The following KCNQ1 variants were observed in gnomAD, a reference collection of about 807,000 sequenced individuals.
KCNQ1 encodes potassium voltage-gated channel subfamily Q member 1.
In KCNQ1, 49 loss-of-function variants were observed where a neutral mutation model predicts 72.4. The observed-to-expected ratio is 0.68, with a 90% CI of 0.54 to 0.86. The LOEUF (loss-of-function observed/expected upper bound fraction) is 0.86. KCNQ1 is among the 40% of genes least tolerant of loss of function. The pLI is 0.00. For missense variants in KCNQ1, 790 were observed against 945.1 expected (o/e 0.84, Z 2.15); for synonymous variants, 450 against 412.6 (o/e 1.09, Z -1.10).
At chr11:2,574,537 C>T (rs1477156884) in intron 6 of KCNQ1, among the ~76,000 whole-genome samples, 2 of 152,178 alleles carry the variant, frequency 1.3e-5, no homozygotes, top group Non-Finnish European at 2.9e-5. Flanking sequence ...GCCCCGAGTC[C>T]TCCTTCCAGA....
chr11:2,668,153 C>T lies in KCNQ1; in HGVS notation c.1514+6072C>T. ...TCTCTATGGGGCTGAAGGGAGAGTG[C>T]TCCCTCATGCTCCTTGCTGACTGGT... On this transcript the variant is annotated intron_variant, in intron 11 of 15. Coordinates refer to ENST00000155840, the MANE Select transcript of KCNQ1 (RefSeq NM_000218.3). The surrounding 1 kb of genome is among the most constrained non-coding windows in gnomAD (Gnocchi z 4.3). 2.5e-6 allele frequency: 1 copy of T among 398,634 alleles called. No individual in the cohort carries two copies. The highest frequency in any genetic ancestry group is 4.4e-6 in the Non-Finnish European group (1 of 226,074). 24.7% of individuals were successfully genotyped at this position (398,634 alleles called of 1,614,324 possible).
intron 10 of KCNQ1, chr11:2,633,089 C>T: frequency 1.0e-5 from 4 of 398,396 alleles, no homozygotes; most frequent in Non-Finnish European, 1.8e-5. Context: ...TATGTTTTGT[C>T]TTTTTGAAAA....
Position 2,694,766 on chromosome 11 carries a change from T to G in KCNQ1, c.1514+32685T>G, listed in dbSNP as rs1479481560. 1.0e-5 allele frequency: 4 copies of G among 398,404 alleles called. No homozygotes were observed. The South Asian group carries it at 5.1e-4, about 51-fold the overall frequency. 24.7% of individuals were successfully genotyped at this position (398,404 alleles called of 1,614,324 possible). ...AGATGTCTAAGGAACTAGAAAAGCG[T>G]AGCCTGTGCTTTGCAGAGACTCGAA... On this transcript the variant is annotated intron_variant, in intron 11 of 15. Transcript: ENST00000155840.
At chr11:2,780,508 C>A (rs974746812) in intron 15 of KCNQ1, among the ~76,000 whole-genome samples, 5 of 152,216 alleles carry the variant, frequency 3.3e-5, no homozygotes, top group Non-Finnish European at 7.4e-5. Flanking sequence ...CACCCTCCCC[C>A]ACCTCATCCC....
rs1040346639 is a variant in KCNQ1 at position 2,695,522 on chromosome 11, C to T, written c.1514+33441C>T. On this transcript the variant is annotated intron_variant, in intron 11 of 15. Transcript: ENST00000155840. The surrounding 1 kb of genome is among the most constrained non-coding windows in gnomAD (Gnocchi z 5.2). ...GTCCCCTGCTCCTAACCACAGTGAC[C>T]AGCTCCAACTGCCCACCCCTATGGG... The T allele has an allele frequency of 2.3e-5, 9 of 398,540 alleles. No individual in the cohort carries two copies. Among genetic ancestry groups the T allele is most frequent in the Non-Finnish European group, 4.0e-5 (9 of 226,128 alleles). 24.7% of individuals were successfully genotyped at this position (398,540 alleles called of 1,614,324 possible). A position where few individuals can be genotyped will look rare whatever the true frequency, so the allele number is the denominator to read the frequency against.
At chr11:2,722,536 T>C (rs1240999488) in intron 11 of KCNQ1, among the ~76,000 whole-genome samples, 1 of 152,068 alleles carries the variant, frequency 6.6e-6, no homozygotes, top group Non-Finnish European at 1.5e-5. Flanking sequence ...GAGGCCAGCA[T>C]GTCAGCCACG....
chr11:2,510,593 C>T (rs1847183437), intron 1 of KCNQ1, among the ~76,000 whole-genome samples: 1 of 152,194 alleles, frequency 6.6e-6, no homozygotes, highest in Non-Finnish European at 1.5e-5. Flanking sequence ...GTGTCAGAAC[C>T]AGGCCCTTTC....
intron 11 of KCNQ1, chr11:2,684,002 C>T (rs1388677241): frequency 2.8e-5 from 11 of 398,218 alleles, no homozygotes; most frequent in South Asian, 1.3e-4. Context: ...TTGGCAACTC[C>T]GTCTCTCCTT....
chr11:2,715,356 G>A lies in KCNQ1; in HGVS notation c.1514+53275G>A, dbSNP rs1282062453. Among the ~76,000 whole-genome samples, 1 of 152,122 alleles carries A rather than the reference G, an allele frequency of 6.6e-6. No homozygotes were observed. Among genetic ancestry groups the A allele is most frequent in the Non-Finnish European group, 1.5e-5 (1 of 68,016 alleles). On this transcript the variant is annotated intron_variant, in intron 11 of 15. Coordinates refer to ENST00000155840, the MANE Select transcript of KCNQ1 (RefSeq NM_000218.3). This position sits in a 1 kb window ranked among gnomAD's most constrained non-coding sequence, Gnocchi z 4.9. The stretch of plus-strand genomic sequence containing the variant: ...GCCCTTACCCCGGAGGAGCCAGGAA[G>A]GTGGACAGAGCAGGCAGGAGTGGGG...
intron 10 of KCNQ1, chr11:2,622,696 AT>A: frequency 2.5e-6 from 1 of 398,332 alleles, no homozygotes; most frequent in Non-Finnish European, 4.4e-6. Context: ...GATTGTCTGT[AT>A]GTGTGTATGT....
At chr11:2,686,482 C>T in intron 11 of KCNQ1, 2 of 398,718 alleles carry the variant, frequency 5.0e-6, no homozygotes, top group Admixed American at 4.4e-5. Context: ...CCAACAGATA[C>T]CCCCACCCTC....
chr11:2,686,515 C>G, intron 11 of KCNQ1: 1 of 398,684 alleles, frequency 2.5e-6, no homozygotes, highest in Non-Finnish European at 4.4e-6. Flanking sequence ...GTCTCACTCC[C>G]GTCACGGAAA....
intron 14 of KCNQ1, 90 bp from the exon 15 acceptor site, chr11:2,777,886 C>T: frequency 9.0e-7 from 1 of 1,116,158 alleles, no homozygotes. Context: ...GCTACCTCCC[C>T]CAGCCCTACC....
chr11:2,789,472 C>A (rs1028980111), intron 15 of KCNQ1, among the ~76,000 whole-genome samples: 2 of 152,234 alleles, frequency 1.3e-5, no homozygotes, highest in East Asian at 3.9e-4. Flanking sequence ...ACGCCGCAGC[C>A]CCAGTGCCCG....
At chr11:2,721,482 A>G in intron 11 of KCNQ1, among the ~76,000 whole-genome samples, 1 of 152,258 alleles carries the variant, frequency 6.6e-6, no homozygotes, top group South Asian at 2.1e-4. Context: ...GGGCAGGTCC[A>G]GGGATGTGTT....
intron 1 of KCNQ1, among the ~76,000 whole-genome samples, chr11:2,487,244 TG>T (rs1187250821): frequency 6.6e-6 from 1 of 152,260 alleles, no homozygotes; most frequent in Non-Finnish European, 1.5e-5. Context: ...TCTGTCTTTT[TG>T]CCTGTGTCAC....
At chr11:2,455,612 C>G (rs1846181183) in intron 1 of KCNQ1, among the ~76,000 whole-genome samples, 1 of 152,208 alleles carries the variant, frequency 6.6e-6, no homozygotes, top group African/African-American at 2.4e-5. Context: ...TTGGAAGAAT[C>G]AATATTGTTA....
intron 11 of KCNQ1, among the ~76,000 whole-genome samples, chr11:2,760,272 GGGGCAGGC>G (rs1001632878): frequency 2.4e-4 from 37 of 152,344 alleles, no homozygotes; most frequent in Non-Finnish European, 3.7e-4. Flanking sequence ...GTACGTGGAC[GGGGCAGGC>G]GGGCAGGCGG....
intron 2 of KCNQ1, among the ~76,000 whole-genome samples, chr11:2,539,986 G>A (rs918536285): frequency 5.9e-5 from 9 of 152,218 alleles, no homozygotes; most frequent in Non-Finnish European, 1.0e-4. Flanking sequence ...ACAACGGGAC[G>A]GGCTGAGCAG....
Sources: allele counts gnomAD v4.1 joint callset (sites outside exome capture counted in the v4.1 genomes callset), GRCh38; gene constraint gnomAD v4.1.1; non-coding constraint Gnocchi (gnomAD v3.1); transcripts MANE v1.5; gene names NCBI Gene and HGNC (gene_info 2026-07-23, HGNC 2026-07-21).